Variants in ZNF420 observed in about 807,000 individuals in gnomAD.
The protein encoded by ZNF420 is zinc finger protein 420, also known as ATM and p53-associated KZNF protein.
Under a neutral mutation model 44.7 loss-of-function variants are expected in ZNF420, and 31 were observed. The observed-to-expected ratio is 0.69, with a 90% CI of 0.52 to 0.94. The LOEUF (loss-of-function observed/expected upper bound fraction) is 0.94. Ranked by LOEUF, ZNF420 falls within the 40% of genes least tolerant of loss-of-function variation. The probability of loss-of-function intolerance (pLI) is 0.00; values close to 1 mark genes in which losing one functional copy is unlikely to be tolerated. For synonymous variants in ZNF420, 245 were observed against 267.4 expected, an observed-to-expected ratio of 0.92 and a Z score of 0.82; for missense variants, 681 against 827.9, an observed-to-expected ratio of 0.82 and a Z score of 2.18.
At chr19:37,014,919 C>CAGGAACCCTA (rs2074598682) in intron 1 of ZNF420, among the ~76,000 whole-genome samples, 1 of 152,216 alleles carries the variant, frequency 6.6e-6, no homozygotes, top group African/African-American at 2.4e-5. Flanking sequence ...GAATGCACCA[C>CAGGAACCCTA]AGGATCCCTA....
At chr19:37,103,041 ACTT>A (rs1368769725) in intron 4 of ZNF420, among the ~76,000 whole-genome samples, 2 of 151,702 alleles carry the variant, frequency 1.3e-5, no homozygotes, top group Admixed American at 6.6e-5. Flanking sequence ...CTTTTTGCTC[ACTT>A]CTTCTTGAGG....
intron 1 of ZNF420, among the ~76,000 whole-genome samples, chr19:37,029,579 G>A (rs997464074): frequency 2.9e-5 from 4 of 138,270 alleles, no homozygotes; most frequent in Non-Finnish European, 3.1e-5. Flanking sequence ...TCAAAGTCTC[G>A]GCCTGTCACC....
chr19:37,032,229 A>C (rs1052213256), intron 1 of ZNF420, among the ~76,000 whole-genome samples: 2 of 152,104 alleles, frequency 1.3e-5, no homozygotes, highest in South Asian at 2.1e-4. Flanking sequence ...AGTCCCAGCT[A>C]CTGGGAGGCT....
chr19:37,027,178 A>G (rs1423510612), intron 1 of ZNF420, among the ~76,000 whole-genome samples: 3 of 152,170 alleles, frequency 2.0e-5, no homozygotes, highest in African/African-American at 7.2e-5. Context: ...AAATTAATTG[A>G]TTCTGCAGGC....
At chr19:37,122,491 A>AT (rs1427630173) in intron 4 of ZNF420, among the ~76,000 whole-genome samples, 1 of 152,098 alleles carries the variant, frequency 6.6e-6, no homozygotes, top group Non-Finnish European at 1.5e-5. Context: ...GAGGGATAGC[A>AT]TTAGGAGATA....
intron 1 of ZNF420, among the ~76,000 whole-genome samples, chr19:37,058,463 C>T (rs1028315086): frequency 6.6e-6 from 1 of 152,142 alleles, no homozygotes; most frequent in African/African-American, 2.4e-5. Flanking sequence ...AATCTTTCAG[C>T]TCTCACAAAT....
At chr19:37,011,793 G>T (rs1395856171) in intron 1 of ZNF420, among the ~76,000 whole-genome samples, 2 of 152,162 alleles carry the variant, frequency 1.3e-5, no homozygotes, top group Non-Finnish European at 2.9e-5. Flanking sequence ...TGTTCTGGGG[G>T]ACGCCAGTGC....
At chr19:37,125,637 C>T (rs532875619) in intron 4 of ZNF420, among the ~76,000 whole-genome samples, 163 of 152,226 alleles carry the variant, frequency 1.1e-3, no homozygotes, top group African/African-American at 3.9e-3. Context: ...TTTTCATTCA[C>T]CTGGTTTTTA....
intron 4 of ZNF420, among the ~76,000 whole-genome samples, chr19:37,114,758 T>C (rs1021450767): frequency 6.6e-6 from 1 of 152,088 alleles, no homozygotes; most frequent in Admixed American, 6.5e-5. Context: ...CATCAGAAAC[T>C]GAAATGCTAT....
At chr19:37,110,908 T>C (rs886583734) in intron 4 of ZNF420, among the ~76,000 whole-genome samples, 1 of 152,202 alleles carries the variant, frequency 6.6e-6, no homozygotes, top group African/African-American at 2.4e-5. Flanking sequence ...GGGTAATGAT[T>C]ATCAGTAATT....
At chr19:37,064,184 G>C (rs1428139415) in intron 1 of ZNF420, among the ~76,000 whole-genome samples, 1 of 152,110 alleles carries the variant, frequency 6.6e-6, no homozygotes, top group Non-Finnish European at 1.5e-5. Flanking sequence ...TACCAGCCAG[G>C]CTTCTCTACT....
chr19:37,089,232 G>A, intron 3 of ZNF420, 105 bp downstream of exon 3: 1 of 971,704 alleles, frequency 1.0e-6, no homozygotes, highest in Non-Finnish European at 1.7e-6. Flanking sequence ...ACCTCACTCA[G>A]GAATGTGCTC....
In ZNF420 at chr19:37,089,062, C is replaced by T. The variant is rs1282382088; in HGVS notation, c.-57C>T. The T allele has an allele frequency of 6.4e-6, 10 of 1,560,878 alleles. No homozygotes were observed. Among genetic ancestry groups the T allele is most frequent in the Non-Finnish European group, 8.0e-6 (9 of 1,131,466 alleles). ...AGCTCTGCATTCTCCAGACTCTGTG[C>T]TTTCCTAAGATAGGAACCCAGAAGA... is the stretch of plus-strand genomic sequence containing the variant. On this transcript the variant is annotated 5_prime_UTR_variant, in exon 3 of 5. Coordinates refer to ENST00000337995, the MANE Select transcript of ZNF420 (RefSeq NM_144689.5).
At chr19:37,009,827 C>A (rs999017266) in intron 1 of ZNF420, among the ~76,000 whole-genome samples, 5 of 152,252 alleles carry the variant, frequency 3.3e-5, no homozygotes, top group Middle Eastern at 3.4e-3. Context: ...AGTACTGAGA[C>A]CCCAGCAGGC....
At chr19:37,053,488 G>C (rs1967680656) in intron 1 of ZNF420, among the ~76,000 whole-genome samples, 1 of 152,164 alleles carries the variant, frequency 6.6e-6, no homozygotes, top group South Asian at 2.1e-4. Context: ...CATCTTTGTG[G>C]TTTTATCTAC....
chr19:37,019,572 C>T (rs1292554286), intron 1 of ZNF420, among the ~76,000 whole-genome samples: 1 of 151,238 alleles, frequency 6.6e-6, no homozygotes, highest in South Asian at 2.1e-4. Context: ...GTCAGGAGTT[C>T]AAGACCAGCC....
At chr19:37,010,586 G>C (rs2074561986) in intron 1 of ZNF420, among the ~76,000 whole-genome samples, 1 of 152,026 alleles carries the variant, frequency 6.6e-6, no homozygotes, top group Admixed American at 6.6e-5. Flanking sequence ...GTGCCGGTGT[G>C]CGTGTGTGTG....
At chr19:37,077,586 T>C (rs1395631338), upstream of ZNF420, among the ~76,000 whole-genome samples, 1 of 152,210 alleles carries the variant, frequency 6.6e-6, no homozygotes, top group Non-Finnish European at 1.5e-5. Flanking sequence ...TTGATTATCT[T>C]TTCCAGATTA....
intron 4 of ZNF420, among the ~76,000 whole-genome samples, chr19:37,101,048 G>T (rs1969748530): frequency 7.1e-6 from 1 of 140,072 alleles, no homozygotes; most frequent in Non-Finnish European, 1.5e-5. Context: ...CCTTTTCACA[G>T]TTTCCTGTTG....
Sources: gnomAD v4.1 joint callset for allele counts (sites outside exome capture counted in the v4.1 genomes callset) on GRCh38, gnomAD v4.1.1 for gene constraint, MANE v1.5 for transcripts, NCBI Gene and HGNC (gene_info 2026-07-23, HGNC 2026-07-21) for gene names.